The following VAV3 variants were observed in gnomAD, a reference collection of about 807,000 sequenced individuals.
VAV3 encodes guanine nucleotide exchange factor VAV3.
VAV3 carries 94 observed loss-of-function variants against 131.2 expected under a neutral mutation model. That is an observed-to-expected ratio of 0.72 (90% CI 0.61 to 0.85). The LOEUF is 0.85. Ranked by LOEUF, VAV3 falls within the 40% of genes least tolerant of loss-of-function variation. VAV3 has a pLI of 0.00. For synonymous variants in VAV3, 349 were observed against 342.0 expected (o/e 1.02, Z -0.22); for missense variants, 939 against 1,002.7 (o/e 0.94, Z 0.86).
At chr1:107,799,030 A>T (rs527664062) in intron 2 of VAV3, among the ~76,000 whole-genome samples, 57 of 152,178 alleles carry the variant, frequency 3.7e-4, no homozygotes, top group Non-Finnish European at 6.8e-4. Flanking sequence ...AAGTGATGAA[A>T]GCACAGCTTA....
At chr1:107,578,467 C>T (rs1001956005) in intron 25 of VAV3, among the ~76,000 whole-genome samples, 1 of 152,136 alleles carries the variant, frequency 6.6e-6, no homozygotes, top group Non-Finnish European at 1.5e-5. Context: ...TTTTAATGAG[C>T]AAATGACACA....
intron 17 of VAV3, among the ~76,000 whole-genome samples, chr1:107,702,783 G>A (rs1660212365): frequency 8.0e-6 from 1 of 124,832 alleles, no homozygotes; most frequent in Admixed American, 8.0e-5. Flanking sequence ...TACTAAATAA[G>A]CCCACGTCTT....
At position 107,572,851 on chromosome 1, in the gene VAV3, TAAGCTGCTCA is replaced by T. The variant is rs770880777; in HGVS notation, c.*470_*479del. On this transcript the variant is annotated 3_prime_UTR_variant, in exon 27 of 27. Transcript: ENST00000370056. Reference sequence around the variant, plus strand: ...GACAAGTAAGGCTGGATCTTTCCAGTAAGCTGCTCAAATGGCAGAACTCCAATTTTTCGTC... The same window carrying T: ...GACAAGTAAGGCTGGATCTTTCCAGTAATGGCAGAACTCCAATTTTTCGTC... 2.6e-5 allele frequency: 4 copies of T among 154,236 alleles called. No homozygotes were observed. Among genetic ancestry groups the T allele is most frequent in the African/African-American group, 9.6e-5 (4 of 41,516 alleles). 9.6% of individuals were successfully genotyped at this position (154,236 alleles called of 1,614,324 possible).
At chr1:107,657,078 C>T (rs1034089974) in intron 19 of VAV3, among the ~76,000 whole-genome samples, 6 of 150,678 alleles carry the variant, frequency 4.0e-5, no homozygotes, top group Admixed American at 6.7e-5. Context: ...TCTCAGCCTC[C>T]GAAGTAGCTG....
intron 19 of VAV3, among the ~76,000 whole-genome samples, chr1:107,644,476 G>T (rs1655580077): frequency 6.6e-6 from 1 of 152,048 alleles, no homozygotes; most frequent in South Asian, 2.1e-4. Context: ...AATATAGGCG[G>T]AAGTCAAGAA....
At chr1:107,764,589 A>C (rs1445299359) in intron 9 of VAV3, among the ~76,000 whole-genome samples, 1 of 152,192 alleles carries the variant, frequency 6.6e-6, no homozygotes, top group Non-Finnish European at 1.5e-5. Context: ...GTGCAACCAT[A>C]GCTCACTGCA....
chr1:107,841,221 C>T (rs1482105415), intron 2 of VAV3, among the ~76,000 whole-genome samples: 1 of 152,006 alleles, frequency 6.6e-6, no homozygotes, highest in Non-Finnish European at 1.5e-5. Flanking sequence ...GATATGGTAA[C>T]ATAGCAGTGA....
chr1:107,586,994 T>G (rs530368662), intron 25 of VAV3, among the ~76,000 whole-genome samples: 1 of 152,246 alleles, frequency 6.6e-6, no homozygotes, highest in South Asian at 2.1e-4. Flanking sequence ...TGATGATGAC[T>G]TCTCAGGAGT....
At chr1:107,668,966 G>A (rs190551474) in intron 19 of VAV3, 7 of 990,848 alleles carry the variant, frequency 7.1e-6, no homozygotes, top group East Asian at 1.1e-4. Flanking sequence ...ACTCTTTCGC[G>A]ATACGGGTGT....
intron 2 of VAV3, among the ~76,000 whole-genome samples, chr1:107,857,750 C>A (rs2100975238): frequency 6.6e-6 from 1 of 152,136 alleles, no homozygotes; most frequent in Non-Finnish European, 1.5e-5. Context: ...GTGCCTGATT[C>A]CTGTCTCAGA....
Position 107,766,472 on chromosome 1 carries a change from G to C in VAV3, c.796C>G (p.Gln266Glu). 6.2e-7 allele frequency: 1 copy of C among 1,612,336 alleles called. No homozygotes were observed. Among genetic ancestry groups the C allele is most frequent in the South Asian group, 1.1e-5 (1 of 90,864 alleles). Reference sequence around the variant, plus strand: ...CTTTCCTTGTAGTTAATAAAAACTTGGTACAAGTTCTGGTCATTTTTATTT... The same window carrying C: ...CTTTCCTTGTAGTTAATAAAAACTTCGTACAAGTTCTGGTCATTTTTATTT... ...IVNKNDQNLY[Q>E]VFINYKERLV... Residue 266 changes from glutamine (Q) to glutamate (E), a missense_variant, in exon 8 of 27, where the codon CAA (glutamine) becomes GAA (glutamate). Physicochemically the swap from Gln to Glu is conservative, Grantham distance 29 (BLOSUM62 2). Coordinates refer to ENST00000370056, the MANE Select transcript of VAV3 (RefSeq NM_006113.5).
intron 1 of VAV3, among the ~76,000 whole-genome samples, chr1:107,934,616 A>C (rs1463837134): frequency 6.6e-6 from 1 of 152,254 alleles, no homozygotes; most frequent in Non-Finnish European, 1.5e-5. Flanking sequence ...TAGTTCTAAC[A>C]AACACAGGTA....
chr1:107,867,468 A>G (rs762099099), intron 2 of VAV3, among the ~76,000 whole-genome samples: 6 of 152,200 alleles, frequency 3.9e-5, no homozygotes, highest in Non-Finnish European at 8.8e-5. Context: ...ACTCCATCCA[A>G]AAACAAAGGA....
At chr1:107,878,869 TC>T (rs1670633378) in intron 1 of VAV3, among the ~76,000 whole-genome samples, 1 of 152,206 alleles carries the variant, frequency 6.6e-6, no homozygotes, top group Non-Finnish European at 1.5e-5. Flanking sequence ...TCCTTGATCA[TC>T]CTTGCTTTAA....
intron 19 of VAV3, among the ~76,000 whole-genome samples, chr1:107,672,913 C>G (rs980354179): frequency 6.6e-6 from 1 of 152,152 alleles, no homozygotes; most frequent in African/African-American, 2.4e-5. Context: ...GACATATTCT[C>G]ATACCCCAAT....
At chr1:107,702,437 A>G (rs1425237684) in intron 17 of VAV3, among the ~76,000 whole-genome samples, 1 of 152,190 alleles carries the variant, frequency 6.6e-6, no homozygotes, top group Admixed American at 6.5e-5. Flanking sequence ...TACAAAGGGT[A>G]AGTAAATGGA....
At chr1:107,785,695 G>A (rs1665941750) in intron 2 of VAV3, 1 of 1,089,906 alleles carries the variant, frequency 9.2e-7, no homozygotes, top group Non-Finnish European at 1.1e-6. Flanking sequence ...CTGGGAGTGT[G>A]GGCATGAGTG....
At chr1:107,731,366 C>T (rs1662227881) in intron 15 of VAV3, among the ~76,000 whole-genome samples, 1 of 152,168 alleles carries the variant, frequency 6.6e-6, no homozygotes, top group South Asian at 2.1e-4. Context: ...CTCATTAGCA[C>T]TGGTAAGCTA....
intron 17 of VAV3, among the ~76,000 whole-genome samples, chr1:107,691,329 G>C (rs1389363006): frequency 6.6e-6 from 1 of 152,148 alleles, no homozygotes; most frequent in African/African-American, 2.4e-5. Flanking sequence ...GTTGCTCTAA[G>C]TTTTGAAGCC....
Sources: allele counts gnomAD v4.1 joint callset (sites outside exome capture counted in the v4.1 genomes callset), GRCh38; gene constraint gnomAD v4.1.1; transcripts MANE v1.5; gene names NCBI Gene and HGNC (gene_info 2026-07-23, HGNC 2026-07-21).